CYP4Z1: variants seen among roughly 807,000 people sequenced by gnomAD.
The protein encoded by CYP4Z1 is cytochrome P450 4Z1.
CYP4Z1 carries 41 observed loss-of-function variants against 54.2 expected under a neutral mutation model. The observed-to-expected ratio is 0.76, with a 90% CI of 0.59 to 0.98. The LOEUF is 0.98. CYP4Z1 is among the 50% of genes least tolerant of loss of function. CYP4Z1 has a pLI of 0.00. For missense variants in CYP4Z1, 513 were observed against 599.0 expected (o/e 0.86, Z 1.50); for synonymous variants, 163 against 206.2 (o/e 0.79, Z 1.79).
At chr1:47,078,660 G>T (rs904733017) in intron 2 of CYP4Z1, among the ~76,000 whole-genome samples, 3 of 130,632 alleles carry the variant, frequency 2.3e-5, no homozygotes, top group African/African-American at 8.6e-5. Context: ...AAGAAAAAAA[G>T]GAATAAAAGA....
chr1:47,109,538 C>G (rs1644778525), intron 9 of CYP4Z1, among the ~76,000 whole-genome samples: 1 of 152,140 alleles, frequency 6.6e-6, no homozygotes, highest in Admixed American at 6.5e-5. Flanking sequence ...CAATTAAAGA[C>G]TCTTTATTCT....
chr1:47,109,618 G>A (rs1351175375), intron 9 of CYP4Z1, among the ~76,000 whole-genome samples: 1 of 152,160 alleles, frequency 6.6e-6, no homozygotes, highest in African/African-American at 2.4e-5. Context: ...TCCTGGGAGA[G>A]CAGTCATTTT....
chr1:47,115,000 T>C (rs1644819371), intron 9 of CYP4Z1, among the ~76,000 whole-genome samples: 2 of 152,194 alleles, frequency 1.3e-5, no homozygotes, highest in Admixed American at 6.5e-5. Flanking sequence ...TGCACACGTA[T>C]GTTTATTGTG....
chr1:47,117,835 C>G lies in CYP4Z1; in HGVS notation c.1419C>G (p.Phe473Leu), dbSNP rs1325376306. 1.2e-6 allele frequency: 2 copies of G among 1,613,722 alleles called. No individual in the cohort carries two copies. Among genetic ancestry groups the G allele is most frequent in the East Asian group, 2.2e-5 (1 of 44,854 alleles). Residue 473 changes from phenylalanine to leucine, a missense_variant, in exon 12 of 12, where the codon TTC (phenylalanine) becomes TTG (leucine). Coordinates refer to ENST00000334194, the MANE Select transcript of CYP4Z1 (RefSeq NM_178134.3). ...KVAVALTLLRFKLAPDHSRPP... is the reference protein window; with the variant it reads ...KVAVALTLLRLKLAPDHSRPP... ...CAGTGGCATTAACTCTGCTCCGCTT[C>G]AAGCTGGCTCCAGACCACTCAAGGC...
upstream of CYP4Z1, among the ~76,000 whole-genome samples, chr1:47,066,874 C>G (rs752400051): frequency 3.3e-5 from 5 of 151,674 alleles, no homozygotes; most frequent in Non-Finnish European, 7.4e-5. Flanking sequence ...AGAACTCAAC[C>G]CCTTTCAAAA....
rs569661177 is a variant in CYP4Z1, at chr1:47,110,083, T to TTATGTCCA, written c.1201+3822_1201+3823insTATGTCCA. Among the ~76,000 whole-genome samples the TTATGTCCA allele has an allele frequency of 5.4e-3, 730 of 135,458 alleles. 17 individuals are homozygous for TTATGTCCA. The highest frequency in any genetic ancestry group is 0.019 in the African/African-American group (679 of 35,338). 88.9% of individuals were successfully genotyped at this position (135,458 alleles called of 152,430 possible). A position where few individuals can be genotyped will look rare whatever the true frequency, so the allele number is the denominator to read the frequency against. On this transcript the variant is annotated intron_variant, in intron 9 of 11. Transcript: ENST00000334194. ...TGAATATGCTCATAAGGTGTCAGTG[T>TTATGTCCA]GATTCTCTGGATTAATAAAACCCAT...
intron 9 of CYP4Z1, 55 bp from the exon 10 acceptor site, chr1:47,115,474 A>G (rs184967513): frequency 3.2e-4 from 482 of 1,525,614 alleles, no homozygotes; most frequent in Non-Finnish European, 3.9e-4. Flanking sequence ...AGAGAAAAAA[A>G]AAAAGACAGA....
chr1:47,082,212 C>G (rs1644559855), intron 3 of CYP4Z1, 122 bp from the exon 4 acceptor site: 6 of 1,264,852 alleles, frequency 4.7e-6, no homozygotes, highest in Admixed American at 5.5e-5. Context: ...TTCACTCTTT[C>G]AAAGCTCTGT....
At chr1:47,104,736 G>A (rs1644745340) in intron 8 of CYP4Z1, among the ~76,000 whole-genome samples, 1 of 152,128 alleles carries the variant, frequency 6.6e-6, no homozygotes, top group African/African-American at 2.4e-5. Flanking sequence ...GCATGCTCAG[G>A]TACTGGGAGG....
rs573168746 is a variant in CYP4Z1 at position 47,114,382 on chromosome 1, T to C, written c.1202-1147T>C. ...GGCAATACCATTCAGGACATAGGCA[T>C]GGGCAAGGACTTCATGTCTAAAACA... On this transcript the variant is annotated intron_variant, in intron 9 of 11. Transcript: ENST00000334194. Among the ~76,000 whole-genome samples, 9 of 152,262 alleles carry C rather than the reference T, an allele frequency of 5.9e-5. No homozygotes were observed. In the South Asian group the frequency reaches 1.7e-3, roughly 28 times the overall value.
chr1:47,097,955 A>G (rs1569737964), intron 7 of CYP4Z1, among the ~76,000 whole-genome samples: 1 of 151,128 alleles, frequency 6.6e-6, no homozygotes, highest in Non-Finnish European at 1.5e-5. Flanking sequence ...AGCTGGGATT[A>G]CAGATGCCAA....
At chr1:47,099,866 T>A (rs1215577843) in intron 8 of CYP4Z1, among the ~76,000 whole-genome samples, 1 of 152,200 alleles carries the variant, frequency 6.6e-6, no homozygotes, top group East Asian at 1.9e-4. Flanking sequence ...AGGGAACAGA[T>A]GTATAGCTTA....
intron 6 of CYP4Z1, among the ~76,000 whole-genome samples, chr1:47,093,410 C>T (rs1165267877): frequency 2.0e-5 from 3 of 152,198 alleles, no homozygotes; most frequent in African/African-American, 7.2e-5. Flanking sequence ...TTAGCTTATC[C>T]ACCTTGTGTC....
intron 2 of CYP4Z1, among the ~76,000 whole-genome samples, chr1:47,074,158 T>C (rs1644502083): frequency 6.6e-6 from 1 of 152,064 alleles, no homozygotes; most frequent in Non-Finnish European, 1.5e-5. Context: ...TTTATTTATC[T>C]TTTATTTTAG....
At chr1:47,088,871 G>A (rs1194590415) in intron 6 of CYP4Z1, among the ~76,000 whole-genome samples, 1 of 141,922 alleles carries the variant, frequency 7.0e-6, no homozygotes, top group East Asian at 2.1e-4. Context: ...ATTTGCCTGC[G>A]TCAGCCTCCC....
chr1:47,065,487 A>C (rs9701886), upstream of CYP4Z1, among the ~76,000 whole-genome samples: 63,600 of 151,882 alleles, frequency 0.42, 14,654 homozygotes, highest in East Asian at 0.97. Flanking sequence ...AAACTGAACA[A>C]TAATAGTGAC....
At chr1:47,084,551 A>G (rs1228165864) in intron 4 of CYP4Z1, 69 bp from the exon 5 acceptor site, 11 of 1,556,464 alleles carry the variant, frequency 7.1e-6, no homozygotes, top group South Asian at 1.2e-5. Flanking sequence ...TCTAAAAGGG[A>G]CATAAAATAA....
At chr1:47,066,421 A>G (rs1265080410), upstream of CYP4Z1, among the ~76,000 whole-genome samples, 1 of 152,212 alleles carries the variant, frequency 6.6e-6, no homozygotes, top group Non-Finnish European at 1.5e-5. Context: ...ACAAAACCAC[A>G]TGATCATCTC....
In CYP4Z1 at chr1:47,068,667, A is replaced by C; in HGVS notation, c.223A>C (p.Lys75Gln). The change falls in exon 2 of 12, where the codon AAA (lysine) becomes CAA (glutamine). Residue 75 changes from lysine (K) to glutamine (Q), a missense_variant. By Grantham distance (53) the Lys-to-Gln change is moderately conservative. Transcript: ENST00000334194. ...TGAGGTGTATCATAAGCTGATGGAA[A>C]AATACCCATGTGCTGTTCCCTTGTG... ...EFEVYHKLME[K>Q]YPCAVPLWVG... The C allele has an allele frequency of 6.2e-7, 1 of 1,614,132 alleles. No homozygotes were observed. Among genetic ancestry groups the C allele is most frequent in the Non-Finnish European group, 8.5e-7 (1 of 1,179,996 alleles).
Sources: gnomAD v4.1 joint callset for allele counts (sites outside exome capture counted in the v4.1 genomes callset) on GRCh38, gnomAD v4.1.1 for gene constraint, MANE v1.5 for transcripts, NCBI Gene and HGNC (gene_info 2026-07-23, HGNC 2026-07-21) for gene names.